SYTL2: variants seen among roughly 807,000 people sequenced by gnomAD.
SYTL2 encodes the protein synaptotagmin-like protein 2.
Under a neutral mutation model 198.7 loss-of-function variants are expected in SYTL2, and 165 were observed. That is an observed-to-expected ratio of 0.83 (90% CI 0.73 to 0.94). The LOEUF (loss-of-function observed/expected upper bound fraction) is 0.94. SYTL2 is among the 40% of genes least tolerant of loss of function. SYTL2 has a pLI of 0.00. For synonymous variants in SYTL2, 966 were observed against 917.7 expected (o/e 1.05, Z -0.95); for missense variants, 2,835 against 2,582.8 (o/e 1.10, Z -2.12).
intron 2 of SYTL2, among the ~76,000 whole-genome samples, chr11:85,751,998 G>A (rs780299620): frequency 1.2e-4 from 18 of 152,194 alleles, no homozygotes; most frequent in Non-Finnish European, 2.2e-4. Flanking sequence ...ACAGAGGAAA[G>A]CCAGAAGAGC....
chr11:85,763,417 T>G (rs2153563744), intron 1 of SYTL2, among the ~76,000 whole-genome samples: 1 of 152,342 alleles, frequency 6.6e-6, no homozygotes, highest in East Asian at 1.9e-4. Context: ...GGTGCTTGCC[T>G]TTGATAGGCA....
intron 4 of SYTL2, among the ~76,000 whole-genome samples, chr11:85,738,053 C>A (rs1398609353): frequency 1.3e-5 from 2 of 152,328 alleles, no homozygotes; most frequent in Non-Finnish European, 2.9e-5. Flanking sequence ...ACCACCAGTT[C>A]TCTCAGTGGC....
intron 1 of SYTL2, among the ~76,000 whole-genome samples, chr11:85,801,571 G>A (rs1199893218): frequency 6.6e-6 from 1 of 152,106 alleles, no homozygotes; most frequent in Non-Finnish European, 1.5e-5. Flanking sequence ...ACACACAAGT[G>A]CAAACAAGTA....
chr11:85,707,210 T>C (rs1308381279), intron 15 of SYTL2, among the ~76,000 whole-genome samples: 1 of 152,192 alleles, frequency 6.6e-6, no homozygotes, highest in East Asian at 1.9e-4. Context: ...GAGATGCAGA[T>C]ACCAATACCA....
At chr11:85,747,691 G>C (rs1354064717) in intron 3 of SYTL2, among the ~76,000 whole-genome samples, 1 of 152,130 alleles carries the variant, frequency 6.6e-6, no homozygotes, top group African/African-American at 2.4e-5. Context: ...TCCACAGAGA[G>C]GGCTGGAGTA....
At chr11:85,767,901 T>C (rs181471281) in intron 1 of SYTL2, among the ~76,000 whole-genome samples, 77 of 152,218 alleles carry the variant, frequency 5.1e-4, no homozygotes, top group African/African-American at 1.8e-3. Flanking sequence ...CCAGGACCTA[T>C]AGGTGAAGCA....
intron 17 of SYTL2, among the ~76,000 whole-genome samples, chr11:85,699,330 G>A (rs900934608): frequency 9.2e-5 from 14 of 152,080 alleles, no homozygotes; most frequent in South Asian, 6.2e-4. Context: ...GAAAAACTAC[G>A]TGGACAAAAA....
intron 1 of SYTL2, among the ~76,000 whole-genome samples, chr11:85,789,338 GTGTATATATATATATATATATA>G (rs1205396118): frequency 7.4e-5 from 2 of 27,090 alleles, no homozygotes; most frequent in African/African-American, 2.3e-4. Flanking sequence ...GTGTGTGTGT[GTGTATATATATATATATATATA>G]TATATATATA....
intron 14 of SYTL2, among the ~76,000 whole-genome samples, chr11:85,709,073 T>A (rs923705371): frequency 1.3e-5 from 2 of 151,802 alleles, no homozygotes; most frequent in Non-Finnish European, 2.9e-5. Flanking sequence ...CTCCTGACCT[T>A]GTGATCCGCC....
chr11:85,727,225 T>A lies in SYTL2; in HGVS notation c.2133A>T (p.Glu711Asp). 2 of 1,536,238 alleles carry A rather than the reference T, an allele frequency of 1.3e-6. No individual in the cohort carries two copies. The highest frequency in any genetic ancestry group is 8.7e-7 in the Non-Finnish European group (1 of 1,146,924). The change falls in exon 8 of 20, where the codon GAA becomes GAT. Residue 711 changes from glutamate (E) to aspartate (D), a missense_variant. Physicochemically the swap from Glu to Asp is conservative, Grantham distance 45. Around this residue, in one of 3 missense-constraint regions of SYTL2, gnomAD observed 2,645 missense variants for 2,381.7 expected, o/e 1.11. Coordinates refer to ENST00000359152, the MANE Select transcript of SYTL2 (RefSeq NM_206927.4). ...CAACTGTTGAAGAGTCAAAATTCAC[T>A]TCTGAGTGTCCTCTATTTTCTTCAT... ...HAHEENRGHSEVNFDSSTVVK... is the reference protein window; with the variant it reads ...HAHEENRGHSDVNFDSSTVVK...
chr11:85,748,512 C>A (rs2091312735), intron 2 of SYTL2, 89 bp from the exon 3 acceptor site: 3 of 1,363,150 alleles, frequency 2.2e-6, no homozygotes, highest in South Asian at 2.7e-5. Context: ...TGTGTAAACA[C>A]ACAGATAAAA....
chr11:85,844,737 GA>G, the SYTL2 span, among the ~76,000 whole-genome samples: 1,372 of 152,306 alleles, frequency 9.0e-3, 22 homozygotes, highest in African/African-American at 0.032. Flanking sequence ...TTAGGCAAAA[GA>G]AAGATTGAAA....
chr11:85,770,467 G>A (rs1224740646), intron 1 of SYTL2, among the ~76,000 whole-genome samples: 1 of 152,044 alleles, frequency 6.6e-6, no homozygotes, highest in African/African-American at 2.4e-5. Flanking sequence ...GCCATGCCTT[G>A]ACTCGAAAAC....
intron 4 of SYTL2, among the ~76,000 whole-genome samples, chr11:85,742,419 C>T (rs2090864646): frequency 6.6e-6 from 1 of 152,176 alleles, no homozygotes; most frequent in Non-Finnish European, 1.5e-5. Flanking sequence ...TCATTCTGTA[C>T]TCCCCACCTT....
intron 1 of SYTL2, among the ~76,000 whole-genome samples, chr11:85,791,730 T>G (rs138755668): frequency 6.6e-6 from 1 of 152,174 alleles, no homozygotes; most frequent in Non-Finnish European, 1.5e-5. Flanking sequence ...CTAACATAAG[T>G]CAATGGCCCA....
chr11:85,849,174 T>C, the SYTL2 span, among the ~76,000 whole-genome samples: 1 of 152,374 alleles, frequency 6.6e-6, no homozygotes. Flanking sequence ...GAGTTCATTG[T>C]AGATTCTGGA....
chr11:85,819,663 A>G, the SYTL2 span, among the ~76,000 whole-genome samples: 1 of 152,180 alleles, frequency 6.6e-6, no homozygotes, highest in South Asian at 2.1e-4. Flanking sequence ...TCAATGTGGG[A>G]GGGCCTGAAT....
At chr11:85,723,083 C>CA (rs1398324665) in intron 8 of SYTL2, among the ~76,000 whole-genome samples, 1 of 152,216 alleles carries the variant, frequency 6.6e-6, no homozygotes, top group African/African-American at 2.4e-5. Flanking sequence ...TCTATCATTT[C>CA]ATCATTTTAA....
chr11:85,719,114 A>C (rs1333519535), intron 9 of SYTL2: 1 of 1,466,382 alleles, frequency 6.8e-7, no homozygotes, highest in African/African-American at 1.4e-5. Flanking sequence ...AGAGCAAGCA[A>C]TCGGCCAGCA....
Sources: gnomAD v4.1 joint callset for allele counts (sites outside exome capture counted in the v4.1 genomes callset) on GRCh38, gnomAD v4.1.1 for gene constraint, gnomAD v4.1.1 regional missense constraint, MANE v1.5 for transcripts, NCBI Gene and HGNC (gene_info 2026-07-23, HGNC 2026-07-21) for gene names.